PRTG: variants seen among roughly 807,000 people sequenced by gnomAD.
The protein encoded by PRTG is protogenin, also known as immunoglobulin superfamily, DCC subclass, member 5.
PRTG carries 67 observed loss-of-function variants against 122.5 expected under a neutral mutation model. The observed-to-expected ratio is 0.55, with a 90% confidence interval of 0.45 to 0.67. The LOEUF (loss-of-function observed/expected upper bound fraction) is 0.67. Among genes scored for constraint, PRTG ranks in the 30% least tolerant of loss-of-function variants. PRTG has a pLI of 0.00. For missense variants in PRTG, 1,435 were observed against 1,415.4 expected (o/e 1.01, Z -0.22); for synonymous variants, 554 against 501.1 (o/e 1.11, Z -1.41).
chr15:55,623,713 T>C (rs1231918724), intron 18 of PRTG, among the ~76,000 whole-genome samples: 1 of 152,222 alleles, frequency 6.6e-6, no homozygotes, highest in Admixed American at 6.5e-5. Context: ...TATCTAAAGT[T>C]GTAATGTGAC....
intron 2 of PRTG, among the ~76,000 whole-genome samples, chr15:55,717,839 C>T (rs2030655932): frequency 6.6e-6 from 1 of 152,152 alleles, no homozygotes; most frequent in Non-Finnish European, 1.5e-5. Flanking sequence ...GGACTCAGCC[C>T]GCCTGCACCC....
chr15:55,678,108 G>A (rs781207443), intron 7 of PRTG, 64 bp from the exon 8 acceptor site: 100 of 1,041,214 alleles, frequency 9.6e-5, no homozygotes, highest in Non-Finnish European at 1.3e-4. Flanking sequence ...ATAAAGTTTA[G>A]CTATTGCTAA....
At chr15:55,683,520 C>G (rs1462895425) in intron 3 of PRTG, among the ~76,000 whole-genome samples, 1 of 152,064 alleles carries the variant, frequency 6.6e-6, no homozygotes, top group East Asian at 1.9e-4. Flanking sequence ...GGGCTGCAGT[C>G]CAGATAGTCA....
intron 2 of PRTG, among the ~76,000 whole-genome samples, chr15:55,725,378 A>T (rs2030988268): frequency 1.3e-5 from 2 of 152,176 alleles, no homozygotes; most frequent in Non-Finnish European, 2.9e-5. Flanking sequence ...AAAATGAGAG[A>T]CAAAAAAAGG....
chr15:55,672,387 T>G (rs1219124921), intron 11 of PRTG, 58 bp downstream of exon 11: 1 of 1,391,964 alleles, frequency 7.2e-7, no homozygotes, highest in African/African-American at 1.4e-5. Context: ...CAATAACTTT[T>G]TTCGCAGTTT....
intron 2 of PRTG, 50 bp from the exon 3 acceptor site, chr15:55,683,981 T>C: frequency 6.6e-7 from 1 of 1,515,994 alleles, no homozygotes; most frequent in Non-Finnish European, 9.1e-7. Context: ...AAAATAACAC[T>C]TAGAAGTAAC....
intron 11 of PRTG, among the ~76,000 whole-genome samples, chr15:55,654,425 T>C (rs895509497): frequency 5.3e-5 from 8 of 152,182 alleles, no homozygotes; most frequent in East Asian, 1.9e-4. Flanking sequence ...AAGTACGAAA[T>C]TTATAATTCT....
intron 2 of PRTG, among the ~76,000 whole-genome samples, chr15:55,737,392 G>C (rs2031445565): frequency 6.6e-6 from 1 of 152,202 alleles, no homozygotes; most frequent in Non-Finnish European, 1.5e-5. Flanking sequence ...TTTTGTGCTT[G>C]AATGAACAAC....
At chr15:55,642,524 A>C (rs2059297763) in intron 11 of PRTG, among the ~76,000 whole-genome samples, 1 of 150,656 alleles carries the variant, frequency 6.6e-6, no homozygotes, top group African/African-American at 2.4e-5. Context: ...AGACTAAGAC[A>C]GGAGAATCGC....
intron 2 of PRTG, among the ~76,000 whole-genome samples, chr15:55,732,275 G>A (rs536255214): frequency 2.0e-5 from 3 of 152,142 alleles, no homozygotes; most frequent in Admixed American, 1.3e-4. Context: ...TGCTACCTCC[G>A]CCTCCTGGGT....
intron 11 of PRTG, among the ~76,000 whole-genome samples, chr15:55,663,778 G>A (rs1446781593): frequency 2.0e-5 from 3 of 152,112 alleles, no homozygotes; most frequent in African/African-American, 7.2e-5. Flanking sequence ...CTGACCTCAG[G>A]TGATCCACCC....
chr15:55,718,131 C>T (rs1176606726), intron 2 of PRTG, among the ~76,000 whole-genome samples: 1 of 152,188 alleles, frequency 6.6e-6, no homozygotes, highest in Non-Finnish European at 1.5e-5. Flanking sequence ...TCTTTCAACT[C>T]ACACCTAACC....
chr15:55,624,436 C>T lies in PRTG; in HGVS notation c.2999G>A (p.Ser1000Asn). ...CAGGTTCTTTCCTACCTCATTTCCA[C>T]TAGCTAAGGAGGCACTGGTACGAGG... ...QLPRTSASLA[S>N]GNEVGKNLEG... The change falls in exon 18 of 20, where the codon AGT becomes AAT. Residue 1000 changes from serine to asparagine, a missense_variant. Transcript: ENST00000389286. The T allele has an allele frequency of 6.2e-7, 1 of 1,613,862 alleles. No homozygotes were observed. Among genetic ancestry groups the T allele is most frequent in the South Asian group, 1.1e-5 (1 of 91,076 alleles).
chr15:55,734,723 A>G (rs1447506778), intron 2 of PRTG, among the ~76,000 whole-genome samples: 1 of 136,828 alleles, frequency 7.3e-6, no homozygotes, highest in Non-Finnish European at 1.5e-5. Flanking sequence ...ACGCTCATCA[A>G]AAGTAGTTTC....
Position 55,681,548 on chromosome 15 carries a change from G to A in PRTG, c.676+816C>T, listed in dbSNP as rs569321048. 2.0e-4 allele frequency: 31 copies of A among 151,988 alleles called. No individual in the cohort carries two copies. In the South Asian group the frequency reaches 3.3e-3, roughly 16 times the overall value. The allele number at this position is 151,988 out of a possible 1,614,324, so 9.4% of individuals were successfully genotyped here. A position where few individuals can be genotyped will look rare whatever the true frequency, so the allele number is the denominator to read the frequency against. Reference sequence around the variant, plus strand: ...TGGCAAAATATATAAAATTGTGCTCGCTTAATATTAACAATGATAATTTTT... The same window carrying A: ...TGGCAAAATATATAAAATTGTGCTCACTTAATATTAACAATGATAATTTTT... On this transcript the variant is annotated intron_variant, in intron 4 of 19. Transcript: ENST00000389286.
chr15:55,741,558 C>A (rs1332531421), intron 1 of PRTG, among the ~76,000 whole-genome samples: 2 of 152,138 alleles, frequency 1.3e-5, no homozygotes, highest in African/African-American at 4.8e-5. Context: ...GATGACCATA[C>A]AATACTCTGT....
intron 2 of PRTG, among the ~76,000 whole-genome samples, chr15:55,718,570 G>T (rs925400629): frequency 7.3e-5 from 11 of 150,356 alleles, no homozygotes; most frequent in Non-Finnish European, 1.6e-4. Context: ...ACTCTTTTCA[G>T]ACTCAGCCCG....
At chr15:55,668,509 G>A (rs893140146) in intron 11 of PRTG, among the ~76,000 whole-genome samples, 5 of 152,112 alleles carry the variant, frequency 3.3e-5, no homozygotes, top group African/African-American at 1.2e-4. Flanking sequence ...AATATAACAA[G>A]TATTTAAAAA....
chr15:55,614,645 CATGAG>C lies in PRTG; in HGVS notation c.*5362_*5366del, dbSNP rs2059134530. 3 of 152,208 alleles carry C rather than the reference CATGAG, an allele frequency of 2.0e-5. No homozygotes were observed. The South Asian group carries it at 6.2e-4, about 32-fold the overall frequency. 9.4% of individuals were successfully genotyped at this position (152,208 alleles called of 1,614,324 possible). A position where few individuals can be genotyped will look rare whatever the true frequency, so the allele number is the denominator to read the frequency against. On this transcript the variant is annotated 3_prime_UTR_variant, in exon 20 of 20. Coordinates refer to ENST00000389286, the MANE Select transcript of PRTG (RefSeq NM_173814.6). ...AATATTTAGGACACTTGCTGATAAA[CATGAG>C]ATGTTATTTTATGAAGCACATATTC...
Sources: gnomAD v4.1 joint callset for allele counts (sites outside exome capture counted in the v4.1 genomes callset) on GRCh38, gnomAD v4.1.1 for gene constraint, MANE v1.5 for transcripts, NCBI Gene and HGNC (gene_info 2026-07-23, HGNC 2026-07-21) for gene names.